TVP23C: variants seen among roughly 807,000 people sequenced by gnomAD.
The protein encoded by TVP23C is Golgi apparatus membrane protein TVP23 homolog C.
TVP23C carries 19 observed loss-of-function variants against 28.7 expected under a neutral mutation model. The ratio of observed to expected loss-of-function variants is 0.66; its 90% CI spans 0.46 to 0.97. TVP23C has a LOEUF of 0.97. Ranked by LOEUF, TVP23C falls within the 50% of genes least tolerant of loss-of-function variation. The pLI is 0.00. For missense variants in TVP23C, 186 were observed against 241.3 expected (o/e 0.77, Z 1.52); for synonymous variants, 68 against 81.7 (o/e 0.83, Z 0.90).
intron 5 of TVP23C, among the ~76,000 whole-genome samples, chr17:15,511,541 G>A (rs1421054870): frequency 1.3e-5 from 2 of 152,170 alleles, no homozygotes; most frequent in African/African-American, 2.4e-5. Flanking sequence ...TAGAGTTTCT[G>A]GGAGCCCTAC....
At position 15,555,555 on chromosome 17, in the gene TVP23C, A is replaced by G. The variant is rs529963967; in HGVS notation, c.13-191T>C. On this transcript the variant is annotated intron_variant, in intron 1 of 5. Transcript: ENST00000518321. ...CCTCAAATCATCTGGCAAAAACCCC[A>G]GAGAATAATCGAAGTCTCAGCTCCT... 3.3e-3 allele frequency among the ~76,000 whole-genome samples: 504 copies of G among 152,342 alleles called. 2 individuals are homozygous for G. Among genetic ancestry groups the G allele is most frequent in the African/African-American group, 0.011 (467 of 41,572 alleles).
intron 5 of TVP23C, among the ~76,000 whole-genome samples, chr17:15,516,988 T>C (rs1597508891): frequency 6.6e-6 from 1 of 152,166 alleles, no homozygotes; most frequent in Admixed American, 6.5e-5. Context: ...AACTCAATCA[T>C]ATCTATTCAA....
chr17:15,556,677 T>C (rs1273287909), intron 1 of TVP23C, among the ~76,000 whole-genome samples: 1 of 152,098 alleles, frequency 6.6e-6, no homozygotes, highest in African/African-American at 2.4e-5. Context: ...CTTCTAAGAG[T>C]GGTTCACACC....
intron 5 of TVP23C, among the ~76,000 whole-genome samples, chr17:15,531,332 G>C (rs553991976): frequency 2.0e-5 from 3 of 152,188 alleles, no homozygotes; most frequent in Admixed American, 2.0e-4. Flanking sequence ...TGAATGTGTA[G>C]CTCATGTATT....
chr17:15,526,265 T>C (rs1023454561), intron 5 of TVP23C, among the ~76,000 whole-genome samples: 1 of 152,146 alleles, frequency 6.6e-6, no homozygotes, highest in Admixed American at 6.5e-5. Flanking sequence ...TAATTTGATA[T>C]GCTCCATTGG....
exon 6 of TVP23C, chr17:15,503,108 TTCC>T (rs1981557146): frequency 6.2e-7 from 1 of 1,613,762 alleles, no homozygotes; most frequent in African/African-American, 1.3e-5. Flanking sequence ...CTGATGAAAC[TTCC>T]TCGAGGGATG....
intron 5 of TVP23C, among the ~76,000 whole-genome samples, chr17:15,517,267 A>G (rs1982270090): frequency 6.6e-6 from 1 of 152,170 alleles, no homozygotes; most frequent in South Asian, 2.1e-4. Context: ...ATTCAGTCCT[A>G]AATGTACCTT....
At chr17:15,534,525 A>G, downstream of TVP23C, among the ~76,000 whole-genome samples, 1 of 150,554 alleles carries the variant, frequency 6.6e-6, no homozygotes. Context: ...AGAGTTATAT[A>G]GATTTAAAAG....
chr17:15,523,185 A>G, intron 5 of TVP23C, among the ~76,000 whole-genome samples: 1 of 149,514 alleles, frequency 6.7e-6, no homozygotes, highest in East Asian at 2.0e-4. Context: ...TTTGTATTTT[A>G]ATAGAGATGG....
intron 5 of TVP23C, among the ~76,000 whole-genome samples, chr17:15,507,732 G>A (rs868279230): frequency 7.9e-5 from 12 of 152,160 alleles, no homozygotes; most frequent in East Asian, 3.9e-4. Flanking sequence ...CCAGCTACTC[G>A]GGAGGCTGAT....
rs565261518 is a variant in TVP23C, at chr17:15,530,555, C to G, written c.462+15230G>C. On this transcript the variant is annotated intron_variant, in intron 5 of 5. Transcript: ENST00000225576. ...TTTAGGTCAGACAGGAAAAGAATTA[C>G]AAACAAAAATACATTTATACTATAT... Among the ~76,000 whole-genome samples, 23 of 152,284 alleles carry G rather than the reference C, an allele frequency of 1.5e-4. No individual in the cohort carries two copies. The South Asian group carries it at 4.8e-3, about 32-fold the overall frequency.
At chr17:15,558,910 C>A (rs1321308007) in intron 1 of TVP23C, among the ~76,000 whole-genome samples, 2 of 146,170 alleles carry the variant, frequency 1.4e-5, no homozygotes, top group African/African-American at 4.9e-5. Context: ...CTCGCCCAGG[C>A]TGGAGTGCAG....
downstream of TVP23C, among the ~76,000 whole-genome samples, chr17:15,534,606 CA>C (rs1567637815): frequency 0.029 from 4,369 of 148,572 alleles, 145 homozygotes; most frequent in African/African-American, 0.11. Context: ...CACACACACA[CA>C]CACACCCTTA....
chr17:15,530,595 T>C (rs1047209429), intron 5 of TVP23C, among the ~76,000 whole-genome samples: 2 of 152,260 alleles, frequency 1.3e-5, no homozygotes, highest in African/African-American at 2.4e-5. Context: ...TATTTACCTA[T>C]GTAGTTACCT....
At chr17:15,560,235 T>C (rs1232609368) in intron 1 of TVP23C, among the ~76,000 whole-genome samples, 1 of 149,030 alleles carries the variant, frequency 6.7e-6, no homozygotes, top group Non-Finnish European at 1.5e-5. Flanking sequence ...CCAGGTAATT[T>C]TTGTATTTTT....
At chr17:15,515,180 A>ACAAAGGAAAAACGTG (rs1204765982) in intron 5 of TVP23C, among the ~76,000 whole-genome samples, 22 of 152,086 alleles carry the variant, frequency 1.4e-4, no homozygotes, top group Admixed American at 2.6e-4. Context: ...AGTCCCAGGG[A>ACAAAGGAAAAACGTG]CAAAGGAAAA....
chr17:15,525,123 C>G (rs1982665971), intron 5 of TVP23C, among the ~76,000 whole-genome samples: 1 of 152,234 alleles, frequency 6.6e-6, no homozygotes, highest in South Asian at 2.1e-4. Context: ...AAATCTGTAC[C>G]TAGCACAGGT....
chr17:15,526,318 C>A (rs1221092647), intron 5 of TVP23C, among the ~76,000 whole-genome samples: 1 of 152,142 alleles, frequency 6.6e-6, no homozygotes, highest in Non-Finnish European at 1.5e-5. Flanking sequence ...ATCATCGAAG[C>A]CTCACCATTG....
intron 4 of TVP23C, 30 bp downstream of exon 4, chr17:15,547,029 A>G: frequency 6.6e-7 from 1 of 1,518,852 alleles, no homozygotes; most frequent in Non-Finnish European, 8.9e-7. Flanking sequence ...TTAGCTGATA[A>G]CATTATTTAA....
Sources: gnomAD v4.1 joint callset for allele counts (sites outside exome capture counted in the v4.1 genomes callset) on GRCh38, gnomAD v4.1.1 for gene constraint, MANE v1.5 for transcripts, NCBI Gene and HGNC (gene_info 2026-07-23, HGNC 2026-07-21) for gene names.